PCDHGB1: variants seen among roughly 807,000 people sequenced by gnomAD.
PCDHGB1 encodes the protein protocadherin gamma subfamily B, 1.
In PCDHGB1, 34 loss-of-function variants were observed where a neutral mutation model predicts 56.6. The ratio of observed to expected loss-of-function variants is 0.60; its 90% CI spans 0.46 to 0.80. PCDHGB1 has a LOEUF of 0.80. Among genes scored for constraint, PCDHGB1 ranks in the 30% least tolerant of loss-of-function variants. The pLI is 0.00. For synonymous variants in PCDHGB1, 561 were observed against 505.9 expected (o/e 1.11, Z -1.46); for missense variants, 1,278 against 1,204.6 (o/e 1.06, Z -0.90).
In PCDHGB1 at chr5:141,384,637, C is replaced by T. The variant is rs764454496; in HGVS notation, c.2409+31968C>T. On this transcript the variant is annotated intron_variant, in intron 1 of 3. Transcript: ENST00000523390. ...TTCTACTGGCATGGAGCTGGCACCC[C>T]GCTCCGCAGAGCCCGGCTACCTGGT... is the stretch of plus-strand genomic sequence containing the variant. The T allele has an allele frequency of 1.7e-5, 28 of 1,614,114 alleles. No individual in the cohort carries two copies. The highest frequency in any genetic ancestry group is 1.6e-4 in the Middle Eastern group (1 of 6,082).
At chr5:141,400,440 A>G (rs1351638844) in intron 1 of PCDHGB1, 2 of 1,614,094 alleles carry the variant, frequency 1.2e-6, no homozygotes, top group Non-Finnish European at 1.7e-6. Context: ...AATTGAGTTC[A>G]GGACAAGACA....
At chr5:141,393,909 A>G (rs2092874602) in intron 1 of PCDHGB1, 1 of 1,613,980 alleles carries the variant, frequency 6.2e-7, no homozygotes, top group Non-Finnish European at 8.5e-7. Flanking sequence ...CGGGACAGTA[A>G]TTGCCTTCTT....
intron 1 of PCDHGB1, chr5:141,409,205 A>C (rs766592481): frequency 1.2e-6 from 2 of 1,614,068 alleles, no homozygotes; most frequent in Non-Finnish European, 1.7e-6. Flanking sequence ...TAAAGTAATC[A>C]TAGAAATCCT....
intron 1 of PCDHGB1, among the ~76,000 whole-genome samples, chr5:141,380,946 CAAG>C (rs1776880026): frequency 6.6e-6 from 1 of 152,210 alleles, no homozygotes; most frequent in African/African-American, 2.4e-5. Flanking sequence ...CTTGCCTCAA[CAAG>C]AAGTTCAAAA....
rs146358809 is a variant in PCDHGB1, at chr5:141,480,913, C to T, written c.2410-13894C>T. 4.1e-3 allele frequency among the ~76,000 whole-genome samples: 617 copies of T among 152,096 alleles called. 6 individuals are homozygous for T. Among genetic ancestry groups the T allele is most frequent in the Admixed American group, 0.011 (171 of 15,272 alleles). ...TGCAAACATTAGCTGGGCATGGTGG[C>T]GCATACCTGTAGTCCCAGCTACTCT... On this transcript the variant is annotated intron_variant, in intron 1 of 3. Transcript: ENST00000523390.
At chr5:141,449,380 G>C (rs1011160817) in intron 1 of PCDHGB1, among the ~76,000 whole-genome samples, 3 of 151,950 alleles carry the variant, frequency 2.0e-5, no homozygotes, top group African/African-American at 7.3e-5. Flanking sequence ...GCTGAGGCAG[G>C]TGGATTACTT....
At chr5:141,508,835 C>T (rs1190105775) in intron 3 of PCDHGB1, among the ~76,000 whole-genome samples, 12 of 152,158 alleles carry the variant, frequency 7.9e-5, no homozygotes, top group African/African-American at 2.9e-4. Flanking sequence ...CCCCCCTCCC[C>T]TACCCCTTCC....
chr5:141,352,630 A>G lies in PCDHGB1; in HGVS notation c.2370A>G (p.Glu790=). The change falls in exon 1 of 4, where the codon GAA becomes GAG. Residue 790 remains glutamate (E), a synonymous_variant. Transcript: ENST00000523390. ...DPSMVVCASN[E]DHKIAYDPSL... ...CTATGGTTGTATGTGCCAGTAATGA[A>G]GATCACAAAATCGCTTATGACCCTT... 3 of 1,611,280 alleles carry G rather than the reference A, an allele frequency of 1.9e-6. No homozygotes were observed. Among genetic ancestry groups the G allele is most frequent in the Non-Finnish European group, 2.5e-6 (3 of 1,178,474 alleles).
At position 141,436,706 on chromosome 5, in the gene PCDHGB1, A is replaced by G. The variant is rs149478256; in HGVS notation, c.2410-58101A>G. 3.9e-3 allele frequency among the ~76,000 whole-genome samples: 587 copies of G among 152,318 alleles called. 6 individuals are homozygous for G. Among genetic ancestry groups the G allele is most frequent in the Admixed American group, 0.011 (169 of 15,304 alleles). On this transcript the variant is annotated intron_variant, in intron 1 of 3. Transcript: ENST00000523390. ...TATATTTTCAATGCCAGCACACTCG[A>G]TGTTCTGTTGGGAAAAATAATAATG...
At position 141,477,131 on chromosome 5, in the gene PCDHGB1, TTGG is replaced by T; in HGVS notation, c.2410-17672_2410-17670del. 1 of 1,614,130 alleles carries T rather than the reference TTGG, an allele frequency of 6.2e-7. No individual in the cohort carries two copies. The highest frequency in any genetic ancestry group is 8.5e-7 in the Non-Finnish European group (1 of 1,180,014). On this transcript the variant is annotated intron_variant, in intron 1 of 3. Transcript: ENST00000523390. The surrounding 1 kb of genome is among the most constrained non-coding windows in gnomAD (Gnocchi z 4.9). The stretch of plus-strand genomic sequence containing the variant: ...TCCCGAAGGAGCACATTGCAAAGTG[TTGG>T]TGGAGGTTGTGGATGTGAATGACAA...
intron 1 of PCDHGB1, chr5:141,399,059 A>G (rs769553635): frequency 1.2e-6 from 2 of 1,613,764 alleles, no homozygotes; most frequent in Middle Eastern, 1.6e-4. Context: ...ACCAAGGAAT[A>G]TTCAATGGTT....
chr5:141,476,281 T>G lies in PCDHGB1; in HGVS notation c.2410-18526T>G. On this transcript the variant is annotated intron_variant, in intron 1 of 3. Coordinates refer to ENST00000523390, the MANE Select transcript of PCDHGB1 (RefSeq NM_018922.3). This position sits in a 1 kb window ranked among gnomAD's most constrained non-coding sequence, Gnocchi z 7.6. ...TGGGCAACGTGGTCGCGAACCTTGGTTTGGATCTCGGTAGCCTCTCAGCCC... is the reference window on the plus strand; with the variant it reads ...TGGGCAACGTGGTCGCGAACCTTGGGTTGGATCTCGGTAGCCTCTCAGCCC... 1 of 1,614,048 alleles carries G rather than the reference T, an allele frequency of 6.2e-7. No homozygotes were observed. The highest frequency in any genetic ancestry group is 1.1e-5 in the South Asian group (1 of 91,062).
At chr5:141,364,743 TA>T in intron 1 of PCDHGB1, 1 of 1,613,916 alleles carries the variant, frequency 6.2e-7, no homozygotes. Context: ...GATGAAGAGT[TA>T]AAAGTAAAAG....
At chr5:141,413,870 T>A (rs2095687151) in intron 1 of PCDHGB1, 1 of 1,613,268 alleles carries the variant, frequency 6.2e-7, no homozygotes, top group Admixed American at 1.7e-5. Context: ...ACTGTCCTTG[T>A]CAGTGTGACT....
At chr5:141,422,789 T>A (rs776409955) in intron 1 of PCDHGB1, 16 of 1,614,158 alleles carry the variant, frequency 9.9e-6, no homozygotes, top group Non-Finnish European at 1.4e-5. Context: ...CTACAATCCT[T>A]CGACTATGAG....
chr5:141,431,973 TC>T lies in PCDHGB1; in HGVS notation c.2410-62833del, dbSNP rs770294598. 13 of 1,614,100 alleles carry T rather than the reference TC, an allele frequency of 8.1e-6. No individual in the cohort carries two copies. The highest frequency in any genetic ancestry group is 1.0e-5 in the Non-Finnish European group (12 of 1,180,038). On this transcript the variant is annotated intron_variant, in intron 1 of 3. Transcript: ENST00000523390. This position sits in a 1 kb window ranked among gnomAD's most constrained non-coding sequence, Gnocchi z 4.8. ...TCTTACGGAAATTACTATAGTTTAG[TC>T]ACAGACATAGTCTTGGATAGGGAAC...
chr5:141,398,317 C>G (rs1364315924), intron 1 of PCDHGB1: 1 of 1,349,834 alleles, frequency 7.4e-7, no homozygotes, highest in Non-Finnish European at 1.0e-6. Flanking sequence ...GTTACCGACT[C>G]GAAAACTGCG....
At chr5:141,357,790 C>T in intron 1 of PCDHGB1, 2 of 835,328 alleles carry the variant, frequency 2.4e-6, no homozygotes, top group Non-Finnish European at 3.6e-6. Flanking sequence ...CAGTATTTAC[C>T]ACACAAAAAT....
intron 1 of PCDHGB1, chr5:141,379,639 A>G (rs1775719450): frequency 6.6e-6 from 1 of 152,198 alleles, no homozygotes; most frequent in African/African-American, 2.4e-5. Context: ...CTCTGATGGA[A>G]AAACTACCAA....
Sources: gnomAD v4.1 joint callset for allele counts (sites outside exome capture counted in the v4.1 genomes callset) on GRCh38, gnomAD v4.1.1 for gene constraint, Gnocchi (gnomAD v3.1) non-coding constraint, MANE v1.5 for transcripts, NCBI Gene and HGNC (gene_info 2026-07-23, HGNC 2026-07-21) for gene names.